Variants in GLIPR1L1 observed in about 807,000 individuals in gnomAD.
GLIPR1L1 encodes GLIPR1 like 1.
In GLIPR1L1, 26 loss-of-function variants were observed where a neutral mutation model predicts 29.9. That is an observed-to-expected ratio of 0.87 (90% CI 0.64 to 1.21). The LOEUF is 1.21. GLIPR1L1 is among the 50% of genes most tolerant of loss of function. The pLI is 0.00. For missense variants in GLIPR1L1, 305 were observed against 290.3 expected, an observed-to-expected ratio of 1.05 and a Z score of -0.37; for synonymous variants, 77 against 97.5, an observed-to-expected ratio of 0.79 and a Z score of 1.24.
chr12:75,367,755 C>G (rs531839729), intron 4 of GLIPR1L1, among the ~76,000 whole-genome samples: 1 of 151,930 alleles, frequency 6.6e-6, no homozygotes, highest in African/African-American at 2.4e-5. Flanking sequence ...AAAAATAATG[C>G]GTTTTGTTCT....
Position 75,359,357 on chromosome 12 carries a change from C to CTTTTTTTTTTTTTTTTTTTT in GLIPR1L1, c.522-3734_522-3715dup. ...GAGTTAGAAGACTCAGCATTGTTGT[C>CTTTTTTTTTTTTTTTTTTTT]TTTTTTTTTTTTTTTTTTTTTTTTT... On this transcript the variant is annotated intron_variant, in intron 3 of 5. Coordinates refer to ENST00000378695, the MANE Select transcript of GLIPR1L1 (RefSeq NM_001304964.2). 7.0e-5 allele frequency among the ~76,000 whole-genome samples: 2 copies of CTTTTTTTTTTTTTTTTTTTT among 28,600 alleles called. 1 individual carries two copies. The highest frequency in any genetic ancestry group is 2.8e-4 in the African/African-American group (2 of 7,160). The allele number at this position is 28,600 out of a possible 152,430, so 18.8% of individuals were successfully genotyped here.
At chr12:75,336,381 C>T (rs1331866324) in intron 1 of GLIPR1L1, among the ~76,000 whole-genome samples, 4 of 151,634 alleles carry the variant, frequency 2.6e-5, no homozygotes. Flanking sequence ...CTACTACATA[C>T]TTTAATTAAA....
intron 4 of GLIPR1L1, among the ~76,000 whole-genome samples, chr12:75,365,479 T>C (rs1207933339): frequency 6.6e-6 from 1 of 152,186 alleles, no homozygotes; most frequent in Non-Finnish European, 1.5e-5. Flanking sequence ...TTTTACCTTC[T>C]TTTGCATATA....
intron 3 of GLIPR1L1, among the ~76,000 whole-genome samples, chr12:75,349,025 T>C (rs1357963582): frequency 6.6e-6 from 1 of 152,144 alleles, no homozygotes; most frequent in Non-Finnish European, 1.5e-5. Context: ...GGAATACCAA[T>C]ACAGCTAGAG....
chr12:75,334,757 T>G lies in GLIPR1L1; in HGVS notation c.29T>G (p.Leu10Ter), dbSNP rs1262867546. 6.2e-7 allele frequency: 1 copy of G among 1,614,146 alleles called. No homozygotes were observed. Among genetic ancestry groups the G allele is most frequent in the Non-Finnish European group, 8.5e-7 (1 of 1,180,006 alleles). Residue 10 changes from leucine (L) to a stop codon, truncating the protein, a stop_gained, in exon 1 of 6, where the codon TTA becomes TGA. Coordinates refer to ENST00000378695, the MANE Select transcript of GLIPR1L1 (RefSeq NM_001304964.2). LOFTEE classifies it high-confidence loss of function. Reference protein sequence around the residue: MALKNKFSCLWILGLCLVAT... With the variant: MALKNKFSC ...GCTCTGAAGAATAAATTCAGTTGTT[T>G]ATGGATCTTGGGTCTGTGTTTGGTA... is the stretch of plus-strand genomic sequence containing the variant.
intron 3 of GLIPR1L1, among the ~76,000 whole-genome samples, chr12:75,361,379 T>A (rs903735516): frequency 9.9e-5 from 15 of 152,148 alleles, no homozygotes; most frequent in African/African-American, 3.1e-4. Flanking sequence ...AGATTTAACT[T>A]GTAGCTTGGC....
intron 1 of GLIPR1L1, 124 bp from the exon 2 acceptor site, chr12:75,343,569 C>T (rs2042256495): frequency 1.3e-6 from 1 of 743,030 alleles, no homozygotes; most frequent in Non-Finnish European, 2.1e-6. Context: ...ATAATAAATA[C>T]CAAAGAAAAA....
chr12:75,346,549 C>T (rs183694544), intron 2 of GLIPR1L1, among the ~76,000 whole-genome samples: 6 of 152,262 alleles, frequency 3.9e-5, no homozygotes, highest in Admixed American at 3.9e-4. Flanking sequence ...TGCCACCACG[C>T]TCAGCTAGTT....
intron 3 of GLIPR1L1, 39 bp downstream of exon 3, chr12:75,347,761 A>T: frequency 7.3e-7 from 1 of 1,370,404 alleles, no homozygotes; most frequent in African/African-American, 1.4e-5. Context: ...AATTGAAATT[A>T]ATGTTGATGA....
In GLIPR1L1 at chr12:75,338,777, A is replaced by C. The variant is rs114925452; in HGVS notation, c.174+3875A>C. 7.8e-3 allele frequency among the ~76,000 whole-genome samples: 1,180 copies of C among 151,998 alleles called. 14 individuals carry two copies. Among genetic ancestry groups the C allele is most frequent in the African/African-American group, 0.027 (1,137 of 41,434 alleles). On this transcript the variant is annotated intron_variant, in intron 1 of 5. Transcript: ENST00000378695. ...CCACCGCCTTCTGCCTACAGGCCCC[A>C]ATGTGTGTTGATCCCCCCATGTGTC...
intron 4 of GLIPR1L1, chr12:75,369,387 T>C (rs2044206707): frequency 1.2e-5 from 4 of 338,302 alleles, no homozygotes; most frequent in African/African-American, 4.5e-5. Context: ...GGATTTTATT[T>C]TTTGCTGGTA....
chr12:75,367,226 T>C (rs895207057), intron 4 of GLIPR1L1, among the ~76,000 whole-genome samples: 1 of 133,408 alleles, frequency 7.5e-6, no homozygotes, highest in Non-Finnish European at 1.5e-5. Flanking sequence ...AGAATGTACC[T>C]CTAAACTAGA....
At chr12:75,337,041 T>C (rs2041782816) in intron 1 of GLIPR1L1, among the ~76,000 whole-genome samples, 1 of 151,812 alleles carries the variant, frequency 6.6e-6, no homozygotes, top group African/African-American at 2.4e-5. Flanking sequence ...TAGAGATTAC[T>C]ATAATTTAGA....
At chr12:75,360,016 A>T (rs1331717465) in intron 3 of GLIPR1L1, 1 of 152,226 alleles carries the variant, frequency 6.6e-6, no homozygotes, top group Non-Finnish European at 1.5e-5. Context: ...AAAGAAAAGG[A>T]GGAACTTCAA....
chr12:75,346,855 T>G (rs1294102422), intron 2 of GLIPR1L1, among the ~76,000 whole-genome samples: 1 of 152,196 alleles, frequency 6.6e-6, no homozygotes, highest in Non-Finnish European at 1.5e-5. Flanking sequence ...GAAATTTGTG[T>G]TGTTAAAATT....
intron 2 of GLIPR1L1, among the ~76,000 whole-genome samples, 169 bp from the exon 3 acceptor site, chr12:75,347,453 C>T (rs561843386): frequency 6.6e-6 from 1 of 151,808 alleles, no homozygotes; most frequent in East Asian, 1.9e-4. Context: ...TCAGCCATGA[C>T]AATATAAGAA....
chr12:75,363,052 T>C (rs772991737), intron 3 of GLIPR1L1, 50 bp from the exon 4 acceptor site: 51 of 948,940 alleles, frequency 5.4e-5, no homozygotes, highest in East Asian at 2.1e-4. Context: ...ATGAACAAAA[T>C]TGGAGAAATT....
chr12:75,367,134 T>C (rs2044023790), intron 4 of GLIPR1L1: 1 of 651,366 alleles, frequency 1.5e-6, no homozygotes. Context: ...AGAATACACC[T>C]CCAAAGTGGA....
intron 4 of GLIPR1L1, chr12:75,369,742 G>A (rs1456803953): frequency 4.1e-6 from 4 of 984,952 alleles, no homozygotes; most frequent in African/African-American, 1.7e-5. Context: ...AACACTCAGA[G>A]GTGTTTTAGA....
Sources: gnomAD v4.1 joint callset for allele counts (sites outside exome capture counted in the v4.1 genomes callset) on GRCh38, gnomAD v4.1.1 for gene constraint, MANE v1.5 for transcripts, NCBI Gene and HGNC (gene_info 2026-07-23, HGNC 2026-07-21) for gene names.